RABGAP1L: variants seen among roughly 807,000 people sequenced by gnomAD.
RABGAP1L encodes the protein RAB GTPase activating protein 1 like, also known as rab GTPase-activating protein 1-like.
A neutral mutation model predicts 137.7 loss-of-function variants in RABGAP1L; 63 were observed. The ratio of observed to expected loss-of-function variants is 0.46; its 90% CI spans 0.37 to 0.56. RABGAP1L has a LOEUF of 0.56. Ranked by LOEUF, RABGAP1L falls within the 20% of genes least tolerant of loss-of-function variation. The pLI, the probability that RABGAP1L is intolerant of heterozygous loss-of-function variation, is 0.00. For missense variants in RABGAP1L, 1,095 were observed against 1,244.0 expected (o/e 0.88, Z 1.80); for synonymous variants, 431 against 433.7 (o/e 0.99, Z 0.08).
At chr1:174,873,466 A>T (rs1652526040) in intron 19 of RABGAP1L, among the ~76,000 whole-genome samples, 1 of 151,068 alleles carries the variant, frequency 6.6e-6, no homozygotes, top group East Asian at 2.0e-4. Context: ...AGAATATGAG[A>T]TATAGGAAAA....
At chr1:174,903,311 ACT>A (rs1473315574) in intron 19 of RABGAP1L, among the ~76,000 whole-genome samples, 1 of 152,068 alleles carries the variant, frequency 6.6e-6, no homozygotes, top group Non-Finnish European at 1.5e-5. Context: ...TCCCATTACA[ACT>A]CTGGGTTTAT....
At chr1:174,964,781 C>G in intron 20 of RABGAP1L, 1 of 1,351,274 alleles carries the variant, frequency 7.4e-7, no homozygotes, top group African/African-American at 1.5e-5. Context: ...TATCTTTGTT[C>G]CATTGAATGT....
chr1:174,287,127 A>G (rs974666958), intron 10 of RABGAP1L, among the ~76,000 whole-genome samples: 13 of 152,176 alleles, frequency 8.5e-5, no homozygotes, highest in African/African-American at 2.7e-4. Flanking sequence ...CAAGAGTGGC[A>G]TAATAAAGTC....
In RABGAP1L at chr1:174,992,730, A is replaced by G. The variant is rs41266066; in HGVS notation, c.*2729A>G. 6.6e-6 allele frequency: 1 copy of G among 152,302 alleles called. No homozygotes were observed. The highest frequency in any genetic ancestry group is 1.5e-5 in the Non-Finnish European group (1 of 68,014). The allele number at this position is 152,302 out of a possible 1,614,324, so 9.4% of individuals were successfully genotyped here. ...TGTTATAATAGCAATATTCCAAACA[A>G]TATGTCCTTCACTGTCTATTGTTGG... On this transcript the variant is annotated 3_prime_UTR_variant, in exon 26 of 26. Transcript: ENST00000681986.
At chr1:174,255,155 A>G (rs996636811) in intron 7 of RABGAP1L, among the ~76,000 whole-genome samples, 1 of 152,126 alleles carries the variant, frequency 6.6e-6, no homozygotes, top group South Asian at 2.1e-4. Flanking sequence ...GGCATCTTAT[A>G]ATTATAGTTG....
At chr1:174,849,557 A>T (rs1647855160) in intron 19 of RABGAP1L, 2 of 343,052 alleles carry the variant, frequency 5.8e-6, no homozygotes, top group Admixed American at 8.3e-5. Flanking sequence ...AAATATTAAG[A>T]GTATGCTCTC....
At chr1:174,831,236 G>A (rs1301977307) in intron 19 of RABGAP1L, among the ~76,000 whole-genome samples, 1 of 148,158 alleles carries the variant, frequency 6.7e-6, no homozygotes, top group African/African-American at 2.5e-5. Flanking sequence ...TAAGAAAATA[G>A]CACTTGAGAA....
Position 174,360,185 on chromosome 1 carries a change from G to T in RABGAP1L, c.1466-10794G>T, listed in dbSNP as rs10159147. Among the ~76,000 whole-genome samples the T allele has an allele frequency of 9.5e-3, 1,446 of 152,202 alleles. 24 individuals are homozygous for T. The highest frequency in any genetic ancestry group is 0.033 in the African/African-American group (1,387 of 41,522). ...TAACAGTGAGATTTTATGGCACATC[G>T]TTGGGGTTTATAGTAATAGGTTTTT... On this transcript the variant is annotated intron_variant, in intron 11 of 25. Transcript: ENST00000681986.
chr1:174,969,304 A>G lies in RABGAP1L; in HGVS notation c.2461A>G (p.Ser821Gly). Residue 821 changes from serine to glycine, a missense_variant, in exon 21 of 26, where the codon AGC (serine) becomes GGC (glycine). Around this residue, in one of 4 missense-constraint regions of RABGAP1L, gnomAD observed 312 missense variants for 435.6 expected, o/e 0.72. Coordinates refer to ENST00000681986, the MANE Select transcript of RABGAP1L (RefSeq NM_001366446.1). ...KRENRRLQEASMRLEQENDDL... is the reference protein window; with the variant it reads ...KRENRRLQEAGMRLEQENDDL... ...GGAGAACCGAAGATTACAGGAGGCC[A>G]GCATGAGGTTGGAACAAGAGAATGA... is the stretch of plus-strand genomic sequence containing the variant. 6.4e-7 allele frequency: 1 copy of G among 1,550,936 alleles called. No individual in the cohort carries two copies.
In RABGAP1L at chr1:174,682,982, T is replaced by C. The variant is rs544971064; in HGVS notation, c.1825-540T>C. On this transcript the variant is annotated intron_variant, in intron 14 of 25. Coordinates refer to ENST00000681986, the MANE Select transcript of RABGAP1L (RefSeq NM_001366446.1). ...CCAGTGGTATAGATTGGAGAACCAT[T>C]TTTACTCTTCAGCCTTCATGGAAAA... Among the ~76,000 whole-genome samples, 3 of 152,290 alleles carry C rather than the reference T, an allele frequency of 2.0e-5. No homozygotes were observed. The South Asian group carries it at 6.2e-4, about 32-fold the overall frequency.
chr1:174,868,549 G>A (rs1651676350), intron 19 of RABGAP1L, among the ~76,000 whole-genome samples: 1 of 152,062 alleles, frequency 6.6e-6, no homozygotes, highest in Admixed American at 6.5e-5. Flanking sequence ...AGATAAAAAT[G>A]AACTGTGGAA....
At chr1:174,987,521 AGAT>A (rs1214558776) in intron 24 of RABGAP1L, among the ~76,000 whole-genome samples, 2 of 152,182 alleles carry the variant, frequency 1.3e-5, no homozygotes, top group African/African-American at 4.8e-5. Context: ...GCTAATGAAA[AGAT>A]GATCCAAAGT....
intron 13 of RABGAP1L, among the ~76,000 whole-genome samples, chr1:174,444,088 G>A (rs1654463538): frequency 6.6e-6 from 1 of 151,718 alleles, no homozygotes; most frequent in African/African-American, 2.4e-5. Flanking sequence ...ACTTTGTAGT[G>A]TATTTGGAGT....
chr1:174,645,018 A>T (rs1414689897), intron 14 of RABGAP1L, among the ~76,000 whole-genome samples: 1 of 152,104 alleles, frequency 6.6e-6, no homozygotes, highest in Non-Finnish European at 1.5e-5. Flanking sequence ...TAGTTAATAA[A>T]ATTGTATTGT....
chr1:174,953,186 AATT>A (rs1668000771), intron 19 of RABGAP1L, among the ~76,000 whole-genome samples: 1 of 152,226 alleles, frequency 6.6e-6, no homozygotes, highest in Non-Finnish European at 1.5e-5. Flanking sequence ...TTCTTCCGAT[AATT>A]ATTGTTATAC....
At chr1:174,222,457 A>G (rs1669829982) in intron 3 of RABGAP1L, among the ~76,000 whole-genome samples, 1 of 152,234 alleles carries the variant, frequency 6.6e-6, no homozygotes, top group Non-Finnish European at 1.5e-5. Context: ...CATTAGAAAA[A>G]TCTTTCAGTG....
At chr1:174,371,192 A>G (rs895335862) in intron 12 of RABGAP1L, 120 bp downstream of exon 12, 1 of 428,278 alleles carries the variant, frequency 2.3e-6, no homozygotes, top group Non-Finnish European at 4.0e-6. Flanking sequence ...CTATCTTAAT[A>G]TCTTAATATT....
chr1:174,169,636 C>G (rs1421864680), intron 1 of RABGAP1L, among the ~76,000 whole-genome samples: 1 of 152,092 alleles, frequency 6.6e-6, no homozygotes, highest in Non-Finnish European at 1.5e-5. Flanking sequence ...ATGGTAACTT[C>G]ATTATGTTCC....
chr1:174,653,552 C>CT (rs1400603141), intron 14 of RABGAP1L, among the ~76,000 whole-genome samples: 2 of 152,242 alleles, frequency 1.3e-5, no homozygotes, highest in East Asian at 3.9e-4. Flanking sequence ...CCTTCACTTC[C>CT]CTTGTGAGGT....
Sources: allele counts gnomAD v4.1 joint callset (sites outside exome capture counted in the v4.1 genomes callset), GRCh38; gene constraint gnomAD v4.1.1; regional missense constraint gnomAD v4.1.1; transcripts MANE v1.5; gene names NCBI Gene and HGNC (gene_info 2026-07-23, HGNC 2026-07-21).